The following NTN1 variants were observed in gnomAD, a reference collection of about 807,000 sequenced individuals.
The protein encoded by NTN1 is netrin-1.
In NTN1, 11 loss-of-function variants were observed where a neutral mutation model predicts 54.2. That is an observed-to-expected ratio of 0.20 (90% confidence interval 0.13 to 0.34). The LOEUF is 0.34. Among genes scored for constraint, NTN1 ranks in the 10% least tolerant of loss-of-function variants. NTN1 has a pLI of 1.00. For missense variants in NTN1, 740 were observed against 893.1 expected, an observed-to-expected ratio of 0.83 and a Z score of 2.18; for synonymous variants, 371 against 382.0, an observed-to-expected ratio of 0.97 and a Z score of 0.33.
At chr17:9,132,927 C>T (rs576866078) in intron 2 of NTN1, among the ~76,000 whole-genome samples, 209 of 152,198 alleles carry the variant, frequency 1.4e-3, no homozygotes, top group Non-Finnish European at 2.3e-3. Context: ...TTCCCTTTAA[C>T]TGAGGGTCAA....
At chr17:9,076,072 A>G (rs1049407341) in intron 2 of NTN1, among the ~76,000 whole-genome samples, 2 of 152,206 alleles carry the variant, frequency 1.3e-5, no homozygotes, top group African/African-American at 2.4e-5. Flanking sequence ...GTGATTCCCC[A>G]TGGTCCCTCA....
chr17:9,204,193 C>CCTTCCTTCCTTCCT lies in NTN1; in HGVS notation c.1412-16975_1412-16974insCTTCCTTCCTTCCT, dbSNP rs1555576114. 7.0e-3 allele frequency among the ~76,000 whole-genome samples: 1,030 copies of CCTTCCTTCCTTCCT among 147,146 alleles called. 11 individuals are homozygous for CCTTCCTTCCTTCCT. Among genetic ancestry groups the CCTTCCTTCCTTCCT allele is most frequent in the East Asian group, 0.031 (152 of 4,946 alleles). ...TAGTAACCGTTCCTTCCTTCCTTCC[C>CCTTCCTTCCTTCCT]TCCTTCCTTCCTTCCTTCCTTCCTT... On this transcript the variant is annotated intron_variant, in intron 5 of 6. Coordinates refer to ENST00000173229, the MANE Select transcript of NTN1 (RefSeq NM_004822.3).
intron 3 of NTN1, among the ~76,000 whole-genome samples, chr17:9,166,775 C>T (rs1053463927): frequency 6.6e-6 from 1 of 152,134 alleles, no homozygotes; most frequent in African/African-American, 2.4e-5. Flanking sequence ...TTCTTGACTC[C>T]CAAATTGGCT....
At chr17:9,188,444 GA>G in intron 5 of NTN1, among the ~76,000 whole-genome samples, 1 of 44,754 alleles carries the variant, frequency 2.2e-5, no homozygotes, top group Non-Finnish European at 4.2e-5. Context: ...AAAAAAAAAA[GA>G]GTGCTAAATC....
intron 5 of NTN1, among the ~76,000 whole-genome samples, chr17:9,193,034 C>G (rs1904505426): frequency 7.1e-6 from 1 of 140,476 alleles, no homozygotes; most frequent in African/African-American, 2.7e-5. Flanking sequence ...GAGCCAGGAT[C>G]ATGCCACTGC....
In NTN1 at chr17:9,179,938, C is replaced by G. The variant is rs1022072462; in HGVS notation, c.1339C>G (p.Pro447Ala). The G allele has an allele frequency of 6.2e-7, 1 of 1,613,540 alleles. No individual in the cohort carries two copies. The part of the protein sequence containing the change: ...CAKGYQQSRS[P>A]IAPCIKIPVA... ...CAAAGGCTACCAGCAGAGCCGCTCT[C>G]CCATCGCCCCCTGCATAAGTATGTG... Residue 447 changes from proline to alanine, a missense_variant, in exon 4 of 7, where the codon CCC becomes GCC. By Grantham distance (27) the Pro-to-Ala change is conservative. Transcript: ENST00000173229.
At chr17:9,096,464 G>A (rs559515672) in intron 2 of NTN1, among the ~76,000 whole-genome samples, 18 of 141,052 alleles carry the variant, frequency 1.3e-4, no homozygotes, top group Admixed American at 7.0e-4. Flanking sequence ...TCTGCCTCCC[G>A]GGTTCACGCC....
chr17:9,183,668 G>C (rs1055612041), intron 5 of NTN1: 2 of 206,740 alleles, frequency 9.7e-6, no homozygotes, highest in Non-Finnish European at 9.9e-6. Flanking sequence ...CTCGCGTAAC[G>C]TAACCATACC....
At position 9,096,508 on chromosome 17, in the gene NTN1, G is replaced by C. The variant is rs376303034; in HGVS notation, c.1019-66305G>C. Among the ~76,000 whole-genome samples the C allele has an allele frequency of 2.8e-3, 430 of 151,516 alleles. 7 individuals carry two copies. In the East Asian group the frequency reaches 0.045, roughly 16 times the overall value. Reference sequence around the variant, plus strand: ...GCCTCAGCCTCCCGAGTAGCTGGGAGTACAGGTGCCCGCCACCACACCCAA... The same window carrying C: ...GCCTCAGCCTCCCGAGTAGCTGGGACTACAGGTGCCCGCCACCACACCCAA... On this transcript the variant is annotated intron_variant, in intron 2 of 6. Transcript: ENST00000173229.
At chr17:9,186,199 G>C (rs2092432488) in intron 5 of NTN1, among the ~76,000 whole-genome samples, 1 of 152,230 alleles carries the variant, frequency 6.6e-6, no homozygotes, top group Admixed American at 6.5e-5. Flanking sequence ...CTCCCTCCCT[G>C]GCTGGTTTCT....
intron 2 of NTN1, among the ~76,000 whole-genome samples, chr17:9,030,561 A>T (rs1188835527): frequency 6.6e-6 from 1 of 152,190 alleles, no homozygotes; most frequent in Non-Finnish European, 1.5e-5. Context: ...TCTGGCCAAC[A>T]CAGTGAAACC....
At chr17:9,126,872 G>A (rs1269011043) in intron 2 of NTN1, among the ~76,000 whole-genome samples, 1 of 152,148 alleles carries the variant, frequency 6.6e-6, no homozygotes, top group Non-Finnish European at 1.5e-5. Flanking sequence ...GGGGAACCAG[G>A]ATGGTGTTTG....
chr17:9,109,642 T>C (rs1450724789), intron 2 of NTN1, among the ~76,000 whole-genome samples: 3 of 152,222 alleles, frequency 2.0e-5, no homozygotes, highest in Admixed American at 1.3e-4. Flanking sequence ...CAAGGGTAGA[T>C]ACCAAGAGGC....
intron 2 of NTN1, among the ~76,000 whole-genome samples, chr17:9,098,697 A>G (rs1397986303): frequency 6.6e-6 from 1 of 152,106 alleles, no homozygotes; most frequent in African/African-American, 2.4e-5. Flanking sequence ...TGGGGTGTGG[A>G]GAAGAGAGAG....
At chr17:9,003,473 G>A in the NTN1 span, among the ~76,000 whole-genome samples, 4 of 150,958 alleles carry the variant, frequency 2.6e-5, no homozygotes, top group African/African-American at 4.8e-5. This position sits in a 1 kb window ranked among gnomAD's most constrained non-coding sequence, Gnocchi z 7.4. Context: ...AGCCTGCTCC[G>A]GGCCGCGACC....
intron 2 of NTN1, among the ~76,000 whole-genome samples, chr17:9,089,346 C>G (rs539830789): frequency 1.3e-5 from 2 of 151,124 alleles, no homozygotes; most frequent in African/African-American, 4.9e-5. Context: ...ACCCGGGAGG[C>G]GGAGGTTGCA....
the NTN1 span, among the ~76,000 whole-genome samples, chr17:9,011,184 C>T: frequency 6.6e-6 from 1 of 152,170 alleles, no homozygotes; most frequent in Admixed American, 6.5e-5. Flanking sequence ...ACAGACGAAG[C>T]TTAGCTGCCT....
intron 5 of NTN1, among the ~76,000 whole-genome samples, chr17:9,194,032 T>C (rs981624411): frequency 1.3e-5 from 2 of 151,022 alleles, no homozygotes; most frequent in Admixed American, 1.3e-4. Flanking sequence ...GGTCAGGAGT[T>C]TGAGACCAGC....
intron 2 of NTN1, among the ~76,000 whole-genome samples, chr17:9,142,995 G>C (rs2092302675): frequency 6.6e-6 from 1 of 152,196 alleles, no homozygotes; most frequent in Admixed American, 6.5e-5. Flanking sequence ...GGAGGGTGTG[G>C]GTTTGGTATT....
Sources: allele counts gnomAD v4.1 joint callset (sites outside exome capture counted in the v4.1 genomes callset), GRCh38; gene constraint gnomAD v4.1.1; non-coding constraint Gnocchi (gnomAD v3.1); transcripts MANE v1.5; gene names NCBI Gene and HGNC (gene_info 2026-07-23, HGNC 2026-07-21).